The following EML1 variants were observed in gnomAD, a reference collection of about 807,000 sequenced individuals.
EML1 encodes the protein echinoderm microtubule-associated protein-like 1.
Under a neutral mutation model 110.4 loss-of-function variants are expected in EML1, and 27 were observed. That is an observed-to-expected ratio of 0.24 (90% CI 0.18 to 0.34). The LOEUF is 0.34. Ranked by LOEUF, EML1 falls within the 10% of genes least tolerant of loss-of-function variation. The probability of loss-of-function intolerance (pLI) is 1.00; values close to 1 mark genes in which losing one functional copy is unlikely to be tolerated. For synonymous variants in EML1, 344 were observed against 385.8 expected (o/e 0.89, Z 1.27); for missense variants, 741 against 1,030.9 (o/e 0.72, Z 3.85).
At chr14:99,822,486 C>T (rs902772044) in intron 1 of EML1, among the ~76,000 whole-genome samples, 10 of 152,334 alleles carry the variant, frequency 6.6e-5, no homozygotes, top group African/African-American at 2.2e-4. Flanking sequence ...CACCAGTGCT[C>T]TGAGGAAGTT....
chr14:99,889,554 C>T (rs573518081), intron 4 of EML1, among the ~76,000 whole-genome samples: 9 of 152,200 alleles, frequency 5.9e-5, no homozygotes, highest in South Asian at 2.1e-4. Context: ...GCGAGCAGGG[C>T]GTGAGGAGGG....
At chr14:99,738,383 C>G (rs1279757718) in intron 1 of EML1, among the ~76,000 whole-genome samples, 1 of 152,242 alleles carries the variant, frequency 6.6e-6, no homozygotes, top group African/African-American at 2.4e-5. Flanking sequence ...CACAGGCAGG[C>G]AGAAGGGCGA....
chr14:99,818,128 G>A (rs2058200335), intron 1 of EML1, among the ~76,000 whole-genome samples: 1 of 152,172 alleles, frequency 6.6e-6, no homozygotes, highest in East Asian at 1.9e-4. Context: ...GGGGCTCAGG[G>A]ATAAGAGGGG....
intron 4 of EML1, among the ~76,000 whole-genome samples, chr14:99,887,544 C>G (rs1324287825): frequency 1.3e-5 from 2 of 152,178 alleles, no homozygotes; most frequent in African/African-American, 4.8e-5. Context: ...CCCCCGCACC[C>G]CGCCACCGCC....
At chr14:99,887,137 TC>T (rs1328204308) in intron 4 of EML1, among the ~76,000 whole-genome samples, 2 of 152,246 alleles carry the variant, frequency 1.3e-5, no homozygotes, top group African/African-American at 4.8e-5. Context: ...TCCTGCCATC[TC>T]CCCATACAGC....
intron 1 of EML1, among the ~76,000 whole-genome samples, chr14:99,764,608 A>C (rs1160212236): frequency 6.6e-6 from 1 of 152,238 alleles, no homozygotes; most frequent in Admixed American, 6.5e-5. Context: ...ATGAAGGCCA[A>C]GGAGCGTCAG....
chr14:99,820,744 C>T (rs1234369111), intron 1 of EML1, among the ~76,000 whole-genome samples: 1 of 152,158 alleles, frequency 6.6e-6, no homozygotes, highest in Non-Finnish European at 1.5e-5. Context: ...TCCATTAACA[C>T]TTAGGTCCAA....
chr14:99,747,665 G>A (rs1314936110), intron 1 of EML1, among the ~76,000 whole-genome samples: 4 of 152,296 alleles, frequency 2.6e-5, no homozygotes, highest in African/African-American at 9.6e-5. Context: ...CATGGGGCGA[G>A]CAGGGTGAGC....
chr14:99,831,744 C>T (rs1473633257), intron 1 of EML1, among the ~76,000 whole-genome samples: 2 of 152,052 alleles, frequency 1.3e-5, no homozygotes, highest in African/African-American at 2.4e-5. Flanking sequence ...TATCCTGCCT[C>T]ATTCCATGAA....
intron 17 of EML1, among the ~76,000 whole-genome samples, chr14:99,921,664 G>A (rs1445634881): frequency 6.6e-6 from 1 of 152,112 alleles, no homozygotes; most frequent in Non-Finnish European, 1.5e-5. Context: ...ATATTCTGAA[G>A]CAGTTCCCAG....
At chr14:99,888,239 C>G (rs1399798022) in intron 4 of EML1, among the ~76,000 whole-genome samples, 1 of 152,158 alleles carries the variant, frequency 6.6e-6, no homozygotes. Context: ...TTCATTCTTC[C>G]TCTTACAGTT....
chr14:99,889,945 A>G (rs911190348), intron 4 of EML1, among the ~76,000 whole-genome samples: 1 of 152,242 alleles, frequency 6.6e-6, no homozygotes, highest in Non-Finnish European at 1.5e-5. Context: ...TCAGGAAAGT[A>G]GTAGGCTCTA....
chr14:99,939,302 T>C lies in EML1; in HGVS notation c.2297T>C (p.Phe766Ser). 1 of 1,614,220 alleles carries C rather than the reference T, an allele frequency of 6.2e-7. No individual in the cohort carries two copies. The highest frequency in any genetic ancestry group is 8.5e-7 in the Non-Finnish European group (1 of 1,180,030). The change falls in exon 21 of 22, where the codon TTC becomes TCC. Residue 766 changes from phenylalanine to serine, a missense_variant. Transcript: ENST00000262233. This position sits in a 1 kb window ranked among gnomAD's most constrained non-coding sequence, Gnocchi z 4.2. ...GACGACTTTGGCAAAGTGCACCTCT[T>C]CTCATACCCCTGCTCGCAGTTCAGG... ...TGDDFGKVHLFSYPCSQFRAP... is the reference protein window; with the variant it reads ...TGDDFGKVHLSSYPCSQFRAP...
At chr14:99,794,354 A>G (rs1427002379) in intron 1 of EML1, among the ~76,000 whole-genome samples, 1 of 144,054 alleles carries the variant, frequency 6.9e-6, no homozygotes. Flanking sequence ...TTTTTTTTTT[A>G]CATGTTGGAT....
At chr14:99,819,117 G>A (rs2058218755) in intron 1 of EML1, among the ~76,000 whole-genome samples, 1 of 151,922 alleles carries the variant, frequency 6.6e-6, no homozygotes, top group African/African-American at 2.4e-5. Context: ...GCTTGGCTAA[G>A]TTTTTTAAAA....
At chr14:99,933,704 A>G (rs1174874871) in intron 17 of EML1, among the ~76,000 whole-genome samples, 1 of 152,228 alleles carries the variant, frequency 6.6e-6, no homozygotes, top group African/African-American at 2.4e-5. Flanking sequence ...GGGGATAATT[A>G]TATCTACTTC....
rs17099193 is a variant in EML1, at chr14:99,897,076, C to T, written c.678-69C>T. The stretch of plus-strand genomic sequence containing the variant: ...TTATATGGTATTTTATTGCCTGTGC[C>T]TGTTGAATAAAGCTGATGTTTTGTC... On this transcript the variant is annotated intron_variant, in intron 6 of 21. Coordinates refer to ENST00000262233, the MANE Select transcript of EML1 (RefSeq NM_004434.3). 1.1e-3 allele frequency: 1,541 copies of T among 1,373,146 alleles called. 7 individuals carry two copies. In the African/African-American group the frequency reaches 0.02, roughly 18 times the overall value. The allele number at this position is 1,373,146 out of a possible 1,614,324, so 85.1% of individuals were successfully genotyped here.
At chr14:99,800,572 C>G (rs2057857451) in intron 1 of EML1, among the ~76,000 whole-genome samples, 4 of 152,124 alleles carry the variant, frequency 2.6e-5, no homozygotes, top group African/African-American at 9.7e-5. Context: ...CTTTGTTGCT[C>G]AGGCTGGTCT....
chr14:99,785,329 A>G (rs1360476872), intron 1 of EML1, among the ~76,000 whole-genome samples: 1 of 152,220 alleles, frequency 6.6e-6, no homozygotes, highest in East Asian at 1.9e-4. Context: ...TGTTGGGATT[A>G]CAGGCGTTAG....
Sources: allele counts gnomAD v4.1 joint callset (sites outside exome capture counted in the v4.1 genomes callset), GRCh38; gene constraint gnomAD v4.1.1; non-coding constraint Gnocchi (gnomAD v3.1); transcripts MANE v1.5; gene names NCBI Gene and HGNC (gene_info 2026-07-23, HGNC 2026-07-21).